The following VPS13B variants were observed in gnomAD, a reference collection of about 807,000 sequenced individuals.
VPS13B encodes intermembrane lipid transfer protein VPS13B.
In VPS13B, 285 loss-of-function variants were observed where a neutral mutation model predicts 426.4. The ratio of observed to expected loss-of-function variants is 0.67; its 90% confidence interval spans 0.61 to 0.74. The LOEUF (loss-of-function observed/expected upper bound fraction) is 0.74, where lower values mean the gene tolerates loss of function less well. VPS13B is among the 30% of genes least tolerant of loss of function. The pLI is 0.00. For synonymous variants in VPS13B, 1,676 were observed against 1,676.4 expected, an observed-to-expected ratio of 1.00 and a Z score of 0.01; for missense variants, 4,537 against 4,782.6, an observed-to-expected ratio of 0.95 and a Z score of 1.51.
At chr8:99,505,182 C>G (rs1014472386) in intron 27 of VPS13B, among the ~76,000 whole-genome samples, 1 of 152,194 alleles carries the variant, frequency 6.6e-6, no homozygotes, top group African/African-American at 2.4e-5. Context: ...ACCCAGACCA[C>G]TCAGACTTTC....
chr8:99,322,786 A>G (rs944945560), intron 19 of VPS13B, among the ~76,000 whole-genome samples: 13 of 152,218 alleles, frequency 8.5e-5, no homozygotes, highest in African/African-American at 2.9e-4. Flanking sequence ...GGATGCAAAG[A>G]AAAGGAATAA....
intron 33 of VPS13B, among the ~76,000 whole-genome samples, chr8:99,583,908 C>T (rs943068107): frequency 2.6e-5 from 4 of 152,026 alleles, no homozygotes; most frequent in African/African-American, 9.7e-5. Context: ...TGGAAAAAGC[C>T]AGATCAGAGG....
chr8:99,771,495 A>G (rs1811487002), intron 40 of VPS13B, among the ~76,000 whole-genome samples: 1 of 152,208 alleles, frequency 6.6e-6, no homozygotes. Context: ...TCATAAAAGA[A>G]ATCACTGTCC....
At chr8:99,561,291 A>G (rs1824908128) in intron 31 of VPS13B, among the ~76,000 whole-genome samples, 1 of 152,190 alleles carries the variant, frequency 6.6e-6, no homozygotes, top group Non-Finnish European at 1.5e-5. Flanking sequence ...GAGATTTTAT[A>G]TAAATAGAAT....
chr8:99,128,225 A>G (rs1411696657), intron 8 of VPS13B, among the ~76,000 whole-genome samples: 3 of 151,544 alleles, frequency 2.0e-5, no homozygotes, highest in Non-Finnish European at 4.4e-5. Context: ...CGTCTTTACT[A>G]AAAATAGAGA....
chr8:99,545,609 T>A (rs117717008), intron 30 of VPS13B, among the ~76,000 whole-genome samples: 1 of 152,162 alleles, frequency 6.6e-6, no homozygotes, highest in Non-Finnish European at 1.5e-5. Context: ...TCAATGCTGA[T>A]AGATTTCACG....
At chr8:99,390,430 G>A (rs535892942) in intron 20 of VPS13B, among the ~76,000 whole-genome samples, 29 of 152,170 alleles carry the variant, frequency 1.9e-4, no homozygotes, top group African/African-American at 5.8e-4. Context: ...TTTTTACTCA[G>A]TGTGACTAGC....
chr8:99,230,540 G>C (rs1816265235), intron 17 of VPS13B, among the ~76,000 whole-genome samples: 1 of 152,186 alleles, frequency 6.6e-6, no homozygotes, highest in South Asian at 2.1e-4. Flanking sequence ...TGAAAACCAG[G>C]TTCCAGTTCT....
chr8:99,569,093 A>T (rs1330572648), intron 31 of VPS13B, among the ~76,000 whole-genome samples: 1 of 151,858 alleles, frequency 6.6e-6, no homozygotes, highest in East Asian at 1.9e-4. Flanking sequence ...AAGTGCTGGG[A>T]TTACAGGTGT....
chr8:99,424,179 T>A (rs925671335), intron 21 of VPS13B: 4 of 152,220 alleles, frequency 2.6e-5, no homozygotes, highest in African/African-American at 9.6e-5. Flanking sequence ...TCTTTGTCTC[T>A]TTTGATCTTT....
At chr8:99,105,623 C>A (rs964991839) in intron 5 of VPS13B, among the ~76,000 whole-genome samples, 1 of 152,190 alleles carries the variant, frequency 6.6e-6, no homozygotes, top group African/African-American at 2.4e-5. Context: ...AAGTGATCTG[C>A]CTGCCTCAGC....
At chr8:99,475,176 G>T (rs1401542833) in intron 24 of VPS13B, among the ~76,000 whole-genome samples, 4 of 152,140 alleles carry the variant, frequency 2.6e-5, no homozygotes, top group Non-Finnish European at 1.5e-5. Flanking sequence ...TAGAAAGTAG[G>T]TTACTTGTTG....
At chr8:99,491,941 C>T (rs191279106) in intron 25 of VPS13B, among the ~76,000 whole-genome samples, 433 of 152,212 alleles carry the variant, frequency 2.8e-3, no homozygotes, top group Non-Finnish European at 4.5e-3. Flanking sequence ...GGAGAAGAGG[C>T]GCTCTGGTTT....
rs755074579 is a variant in VPS13B at position 99,821,103 on chromosome 8, AACACACACACACACAC to A, written c.8995-142_8995-127del. ...AATAGAATGTACGTTGTCATTACAA[AACACACACACACACAC>A]ACACACACACACACACACACACACA... On this transcript the variant is annotated intron_variant, in intron 49 of 61. Coordinates refer to ENST00000357162, the MANE Select transcript of VPS13B (RefSeq NM_152564.5). Among the ~76,000 whole-genome samples the A allele has an allele frequency of 6.2e-3, 486 of 78,356 alleles. 7 individuals are homozygous for A. Among genetic ancestry groups the A allele is most frequent in the East Asian group, 0.03 (78 of 2,642 alleles). The allele number at this position is 78,356 out of a possible 152,430, so 51.4% of individuals were successfully genotyped here.
At chr8:99,136,799 A>G (rs569157221) in intron 12 of VPS13B, 47 bp downstream of exon 12, 2 of 1,576,684 alleles carry the variant, frequency 1.3e-6, no homozygotes, top group African/African-American at 1.3e-5. Flanking sequence ...AACAACTGAA[A>G]CAAAGCCTTC....
intron 34 of VPS13B, among the ~76,000 whole-genome samples, chr8:99,656,978 A>C (rs569310886): frequency 6.6e-6 from 1 of 152,254 alleles, no homozygotes; most frequent in South Asian, 2.1e-4. Context: ...CAACCCTGTA[A>C]ATTCAGGCAT....
chr8:99,137,917 A>G (rs538574853), intron 12 of VPS13B, among the ~76,000 whole-genome samples: 5 of 152,292 alleles, frequency 3.3e-5, no homozygotes, highest in African/African-American at 9.6e-5. Flanking sequence ...AAATATTCCT[A>G]TGACCACTTA....
chr8:99,854,725 G>A (rs1197299533), intron 56 of VPS13B, among the ~76,000 whole-genome samples: 5 of 152,134 alleles, frequency 3.3e-5, no homozygotes, highest in Admixed American at 6.5e-5. Flanking sequence ...TCCAGTTCTC[G>A]TTTATTTTCT....
At chr8:99,019,966 G>A (rs1297195993) in intron 2 of VPS13B, among the ~76,000 whole-genome samples, 1 of 152,154 alleles carries the variant, frequency 6.6e-6, no homozygotes, top group East Asian at 1.9e-4. Context: ...CTGAGACTGT[G>A]CTTTTAATTT....
Sources: allele counts gnomAD v4.1 joint callset (sites outside exome capture counted in the v4.1 genomes callset), GRCh38; gene constraint gnomAD v4.1.1; transcripts MANE v1.5; gene names NCBI Gene and HGNC (gene_info 2026-07-23, HGNC 2026-07-21).